MYO16: variants seen among roughly 807,000 people sequenced by gnomAD.
MYO16 encodes myosin XVI, also known as unconventional myosin-XVI.
In MYO16, 94 loss-of-function variants were observed where a neutral mutation model predicts 205.3. That is an observed-to-expected ratio of 0.46 (90% confidence interval 0.39 to 0.54). The LOEUF (loss-of-function observed/expected upper bound fraction) is 0.54. MYO16 is among the 20% of genes least tolerant of loss of function. The pLI is 0.00. For synonymous variants in MYO16, 988 were observed against 954.0 expected (o/e 1.04, Z -0.66); for missense variants, 2,315 against 2,387.5 (o/e 0.97, Z 0.63).
intron 20 of MYO16, among the ~76,000 whole-genome samples, chr13:108,990,028 C>T (rs946397393): frequency 1.3e-5 from 2 of 151,926 alleles, no homozygotes; most frequent in Admixed American, 6.6e-5. Flanking sequence ...AGTAACTTGT[C>T]TAAAGTTAAC....
chr13:108,976,964 T>C (rs1293159837), intron 20 of MYO16, among the ~76,000 whole-genome samples: 1 of 152,202 alleles, frequency 6.6e-6, no homozygotes, highest in African/African-American at 2.4e-5. Flanking sequence ...CCAAGATTCC[T>C]TTTGTTTTCC....
At chr13:108,828,650 C>T (rs899383537) in intron 9 of MYO16, among the ~76,000 whole-genome samples, 2 of 152,080 alleles carry the variant, frequency 1.3e-5, no homozygotes, top group East Asian at 1.9e-4. Context: ...GAAAAACCAA[C>T]AATGTGATTA....
At chr13:108,746,436 AG>A (rs1284515089) in intron 4 of MYO16, among the ~76,000 whole-genome samples, 3 of 152,042 alleles carry the variant, frequency 2.0e-5, no homozygotes, top group African/African-American at 4.8e-5. Flanking sequence ...CTTTCATAGA[AG>A]AAATAAGATG....
chr13:108,714,404 A>G (rs1444687623), intron 3 of MYO16, among the ~76,000 whole-genome samples: 2 of 152,208 alleles, frequency 1.3e-5, no homozygotes, highest in Non-Finnish European at 2.9e-5. Context: ...TGCACGTCCC[A>G]GTAGAAAACA....
chr13:108,805,818 G>T (rs1265776113), intron 6 of MYO16, among the ~76,000 whole-genome samples: 1 of 151,858 alleles, frequency 6.6e-6, no homozygotes, highest in Non-Finnish European at 1.5e-5. Context: ...GGTGGATCAT[G>T]CCTGTAACCC....
At chr13:108,707,795 G>T (rs1159272905) in intron 2 of MYO16, among the ~76,000 whole-genome samples, 1 of 152,166 alleles carries the variant, frequency 6.6e-6, no homozygotes, top group African/African-American at 2.4e-5. Context: ...GGGACCATCT[G>T]CACCAGAATC....
At chr13:108,806,584 C>A in intron 6 of MYO16, 95 bp from the exon 7 acceptor site, 2 of 1,036,426 alleles carry the variant, frequency 1.9e-6, no homozygotes, top group Non-Finnish European at 2.8e-6. Context: ...TTTAGATCCA[C>A]CATTTCATTA....
intron 17 of MYO16, among the ~76,000 whole-genome samples, chr13:108,960,299 A>G (rs906392728): frequency 6.6e-6 from 1 of 151,982 alleles, no homozygotes; most frequent in Non-Finnish European, 1.5e-5. Flanking sequence ...AGGAAAAAAA[A>G]TAAGTTGACA....
the MYO16 span, among the ~76,000 whole-genome samples, chr13:108,531,657 T>G: frequency 1.3e-5 from 2 of 150,778 alleles, no homozygotes; most frequent in African/African-American, 4.9e-5. Flanking sequence ...TATGAGATAC[T>G]CAAATGAAAT....
At chr13:109,057,934 G>A (rs1193842667) in intron 27 of MYO16, among the ~76,000 whole-genome samples, 1 of 152,020 alleles carries the variant, frequency 6.6e-6, no homozygotes, top group Admixed American at 6.6e-5. Context: ...GATGAGCCTT[G>A]AGACGTTACA....
intron 32 of MYO16, among the ~76,000 whole-genome samples, chr13:109,142,640 A>G (rs558921335): frequency 1.1e-3 from 162 of 152,212 alleles, no homozygotes; most frequent in Admixed American, 1.6e-3. Flanking sequence ...GCAACTCTAT[A>G]ACTTCACCTT....
intron 20 of MYO16, among the ~76,000 whole-genome samples, chr13:108,967,132 A>G (rs1054797395): frequency 1.3e-5 from 2 of 151,026 alleles, no homozygotes; most frequent in African/African-American, 4.9e-5. Flanking sequence ...TATAGTATAC[A>G]GACATGTATA....
intron 15 of MYO16, among the ~76,000 whole-genome samples, chr13:108,909,551 C>T (rs1292554214): frequency 6.6e-6 from 1 of 151,536 alleles, no homozygotes; most frequent in Admixed American, 6.6e-5. Context: ...TCTCCCTGGG[C>T]CTTCATAGTG....
rs199826942 is a variant in MYO16 at position 108,706,082 on chromosome 13, T to C, written c.293-6579T>C. On this transcript the variant is annotated intron_variant, in intron 2 of 34. Transcript: ENST00000457511. ...TAAATTGAAACTGACTCATAGCTGA[T>C]GCACATGATATAGTTATCAGATTTG... is the stretch of plus-strand genomic sequence containing the variant. Among the ~76,000 whole-genome samples, 6 of 152,304 alleles carry C rather than the reference T, an allele frequency of 3.9e-5. 1 individual carries two copies. The East Asian group carries it at 9.7e-4, about 25-fold the overall frequency.
chr13:108,683,979 G>A (rs554610507), intron 2 of MYO16, among the ~76,000 whole-genome samples: 4 of 152,270 alleles, frequency 2.6e-5, no homozygotes, highest in Admixed American at 2.6e-4. Context: ...GGGTTTAAGT[G>A]ATTATCCTAC....
chr13:108,496,993 T>A, the MYO16 span, among the ~76,000 whole-genome samples: 4 of 152,148 alleles, frequency 2.6e-5, no homozygotes, highest in African/African-American at 9.7e-5. Flanking sequence ...GTCTCTGGAG[T>A]CTGTGTTGGG....
intron 32 of MYO16, among the ~76,000 whole-genome samples, chr13:109,144,129 C>T (rs1418103695): frequency 2.0e-5 from 3 of 151,744 alleles, no homozygotes; most frequent in African/African-American, 7.3e-5. Flanking sequence ...ATTGTTCTGC[C>T]TCAGCCTCTC....
intron 33 of MYO16, among the ~76,000 whole-genome samples, chr13:109,170,585 T>G (rs1878885513): frequency 6.6e-6 from 1 of 151,928 alleles, no homozygotes; most frequent in South Asian, 2.1e-4. Flanking sequence ...GGAACTTCTC[T>G]TCACCAAAAT....
At chr13:109,042,429 C>A (rs1055448240) in intron 23 of MYO16, among the ~76,000 whole-genome samples, 9 of 152,172 alleles carry the variant, frequency 5.9e-5, no homozygotes, top group African/African-American at 2.2e-4. Flanking sequence ...GTCTCCATGT[C>A]ATTTCTCTTC....
Sources: allele counts gnomAD v4.1 joint callset (sites outside exome capture counted in the v4.1 genomes callset), GRCh38; gene constraint gnomAD v4.1.1; transcripts MANE v1.5; gene names NCBI Gene and HGNC (gene_info 2026-07-23, HGNC 2026-07-21).